The following TRIQK variants were observed in gnomAD, a reference collection of about 807,000 sequenced individuals.
TRIQK encodes triple QxxK/R motif-containing protein.
A neutral mutation model predicts 10.8 loss-of-function variants in TRIQK; 10 were observed. The observed-to-expected ratio is 0.92, with a 90% CI of 0.57 to 1.57. The LOEUF is 1.57. TRIQK is among the 40% of genes most tolerant of loss of function. The pLI is 0.00. For synonymous variants in TRIQK, 33 were observed against 33.7 expected, an observed-to-expected ratio of 0.98 and a Z score of 0.07; for missense variants, 107 against 97.7, an observed-to-expected ratio of 1.09 and a Z score of -0.40.
intron 2 of TRIQK, among the ~76,000 whole-genome samples, chr8:92,944,156 G>C (rs1811403289): frequency 6.6e-6 from 1 of 151,778 alleles, no homozygotes; most frequent in South Asian, 2.1e-4. Flanking sequence ...CAACAAGACA[G>C]CACCTTACAC....
intron 1 of TRIQK, among the ~76,000 whole-genome samples, chr8:93,002,020 T>C (rs902430024): frequency 6.6e-6 from 1 of 152,184 alleles, no homozygotes; most frequent in African/African-American, 2.4e-5. Context: ...AACATGTTCC[T>C]GACCAAGGAG....
intron 3 of TRIQK, among the ~76,000 whole-genome samples, chr8:92,909,022 A>G (rs1809426947): frequency 6.6e-6 from 1 of 151,966 alleles, no homozygotes; most frequent in Admixed American, 6.6e-5. Flanking sequence ...TGTCATATAA[A>G]GTAAATCTGC....
intron 1 of TRIQK, among the ~76,000 whole-genome samples, chr8:93,005,072 AT>A (rs147503481): frequency 0.24 from 36,504 of 152,096 alleles, 5,359 homozygotes; most frequent in African/African-American, 0.42. Flanking sequence ...CAATGCCTGA[AT>A]TCTCTGATGC....
chr8:92,955,712 T>C (rs2130687566), intron 1 of TRIQK, among the ~76,000 whole-genome samples: 1 of 151,824 alleles, frequency 6.6e-6, no homozygotes, highest in Non-Finnish European at 1.5e-5. Context: ...TATAAAGAAC[T>C]CTCACAACTC....
At chr8:92,905,214 C>T (rs1809190905) in intron 3 of TRIQK, among the ~76,000 whole-genome samples, 1 of 151,656 alleles carries the variant, frequency 6.6e-6, no homozygotes, top group African/African-American at 2.4e-5. Flanking sequence ...AGAAAAATAC[C>T]AGTATATAGA....
chr8:92,985,362 T>G (rs910321231), intron 1 of TRIQK, among the ~76,000 whole-genome samples: 2 of 152,196 alleles, frequency 1.3e-5, no homozygotes, highest in Non-Finnish European at 2.9e-5. Context: ...CCTTTCCTCA[T>G]GAATTCCATT....
chr8:92,922,092 A>G (rs1810222915), intron 2 of TRIQK, among the ~76,000 whole-genome samples: 1 of 151,830 alleles, frequency 6.6e-6, no homozygotes, highest in East Asian at 1.9e-4. Context: ...TTAAATTTTC[A>G]TCTCTAATAA....
chr8:92,906,987 T>C (rs961501534), intron 3 of TRIQK, among the ~76,000 whole-genome samples: 1 of 152,112 alleles, frequency 6.6e-6, no homozygotes, highest in Non-Finnish European at 1.5e-5. Flanking sequence ...GCTGGAGATA[T>C]CCTTAGATCA....
chr8:93,000,199 T>G (rs564578756), intron 1 of TRIQK, among the ~76,000 whole-genome samples: 1 of 152,188 alleles, frequency 6.6e-6, no homozygotes, highest in African/African-American at 2.4e-5. Flanking sequence ...AACTTTCTAG[T>G]ATGAAAGTTA....
upstream of TRIQK, among the ~76,000 whole-genome samples, chr8:92,967,627 G>A (rs532988874): frequency 6.6e-6 from 1 of 151,992 alleles, no homozygotes; most frequent in East Asian, 1.9e-4. Context: ...TTCCAGACCA[G>A]CCTGGCCAAC....
chr8:92,984,473 G>A (rs577563907), intron 1 of TRIQK, among the ~76,000 whole-genome samples: 84 of 152,164 alleles, frequency 5.5e-4, no homozygotes, highest in African/African-American at 2.0e-3. Context: ...AGTTCAGTTG[G>A]TCATAAGCAT....
At chr8:92,918,155 C>T (rs1448632310) in intron 2 of TRIQK, among the ~76,000 whole-genome samples, 8 of 151,966 alleles carry the variant, frequency 5.3e-5, no homozygotes, top group Non-Finnish European at 5.9e-5. Context: ...TCCATATCTT[C>T]GTTATTGTGA....
intron 3 of TRIQK, among the ~76,000 whole-genome samples, chr8:92,906,282 C>T (rs1024371957): frequency 2.6e-5 from 4 of 152,104 alleles, no homozygotes; most frequent in African/African-American, 9.7e-5. Context: ...AATGGTCAAT[C>T]ATAGTGTTGG....
chr8:93,000,591 G>T (rs28776775), intron 1 of TRIQK, among the ~76,000 whole-genome samples: 20,432 of 152,020 alleles, frequency 0.13, 1,389 homozygotes, highest in East Asian at 0.19. Flanking sequence ...GGGGGTTGGG[G>T]ACACAACCAA....
At chr8:93,011,134 A>G (rs1813327706) in intron 1 of TRIQK, among the ~76,000 whole-genome samples, 1 of 151,676 alleles carries the variant, frequency 6.6e-6, no homozygotes, top group Non-Finnish European at 1.5e-5. Flanking sequence ...ACATGCTCAT[A>G]TGATCTTAAT....
At chr8:92,945,765 T>A (rs183466296) in intron 2 of TRIQK, among the ~76,000 whole-genome samples, 1 of 152,226 alleles carries the variant, frequency 6.6e-6, no homozygotes, top group African/African-American at 2.4e-5. Context: ...GGTAGCTATA[T>A]GTATTAAATT....
At chr8:92,982,723 T>C (rs1254299164) in intron 1 of TRIQK, among the ~76,000 whole-genome samples, 1 of 152,044 alleles carries the variant, frequency 6.6e-6, no homozygotes, top group African/African-American at 2.4e-5. Context: ...ATTATATTCT[T>C]TTTATATGCA....
chr8:92,968,021 T>C (rs1301453372), upstream of TRIQK, among the ~76,000 whole-genome samples: 1 of 152,086 alleles, frequency 6.6e-6, no homozygotes, highest in Non-Finnish European at 1.5e-5. Flanking sequence ...TAAGATATTA[T>C]ACAACAAGAA....
chr8:93,017,623 G>T (rs571853132), exon 1 of TRIQK: 2 of 152,220 alleles, frequency 1.3e-5, no homozygotes, highest in Non-Finnish European at 1.5e-5. Context: ...AGGATAAAAG[G>T]CTCCCCTCAG....
Sources: allele counts gnomAD v4.1 joint callset (sites outside exome capture counted in the v4.1 genomes callset), GRCh38; gene constraint gnomAD v4.1.1; transcripts MANE v1.5; gene names NCBI Gene and HGNC (gene_info 2026-07-23, HGNC 2026-07-21).